GALNT13: variants seen among roughly 807,000 people sequenced by gnomAD.
The protein encoded by GALNT13 is UDP-GalNAc:polypeptide N-acetylgalactosaminyltransferase 13.
A neutral mutation model predicts 64.2 loss-of-function variants in GALNT13; 28 were observed. The observed-to-expected ratio is 0.44, with a 90% CI of 0.32 to 0.60. GALNT13 has a LOEUF of 0.60. Among genes scored for constraint, GALNT13 ranks in the 20% least tolerant of loss-of-function variants. The pLI is 0.05. For missense variants in GALNT13, 577 were observed against 669.8 expected (o/e 0.86, Z 1.53); for synonymous variants, 214 against 224.6 (o/e 0.95, Z 0.42).
At chr2:153,418,507 A>C in the GALNT13 span, among the ~76,000 whole-genome samples, 1 of 152,214 alleles carries the variant, frequency 6.6e-6, no homozygotes, top group Non-Finnish European at 1.5e-5. Context: ...GGGCCAAATG[A>C]GGAAGTGTTT....
At chr2:153,631,206 G>A in the GALNT13 span, among the ~76,000 whole-genome samples, 5,625 of 152,068 alleles carry the variant, frequency 0.037, 131 homozygotes, top group Middle Eastern at 0.065. Flanking sequence ...AATTCAGTCT[G>A]TCGTTGTTGG....
intron 3 of GALNT13, among the ~76,000 whole-genome samples, chr2:153,979,978 G>T (rs1289954908): frequency 1.3e-5 from 2 of 152,206 alleles, no homozygotes; most frequent in Non-Finnish European, 2.9e-5. Context: ...GCTGTGATAT[G>T]AGAGTAATCC....
At chr2:153,772,799 G>A in the GALNT13 span, among the ~76,000 whole-genome samples, 319 of 152,262 alleles carry the variant, frequency 2.1e-3, 2 homozygotes, top group African/African-American at 6.8e-3. Context: ...GCAGAGATAG[G>A]CCTTGCCTAT....
At chr2:154,300,077 G>GT (rs994145496) in intron 8 of GALNT13, among the ~76,000 whole-genome samples, 24 of 132,376 alleles carry the variant, frequency 1.8e-4, no homozygotes, top group East Asian at 1.6e-3. Context: ...TGAAAAGATA[G>GT]TTTTTTTTTC....
At chr2:153,901,716 A>G (rs774140911) in intron 2 of GALNT13, among the ~76,000 whole-genome samples, 30 of 152,188 alleles carry the variant, frequency 2.0e-4, no homozygotes, top group Admixed American at 5.2e-4. Context: ...ATTTAAAAAA[A>G]TAAGAATTGC....
chr2:154,433,845 G>A (rs1246789412), intron 11 of GALNT13, among the ~76,000 whole-genome samples: 1 of 152,120 alleles, frequency 6.6e-6, no homozygotes, highest in Non-Finnish European at 1.5e-5. Context: ...GGTTAGTGGT[G>A]TTGTGGCCTG....
the GALNT13 span, among the ~76,000 whole-genome samples, chr2:153,451,232 A>G: frequency 6.6e-6 from 1 of 152,188 alleles, no homozygotes; most frequent in East Asian, 1.9e-4. Context: ...GTGTTCCTTT[A>G]TACATTTTAA....
At chr2:153,234,196 C>A in the GALNT13 span, among the ~76,000 whole-genome samples, 1 of 152,114 alleles carries the variant, frequency 6.6e-6, no homozygotes, top group Non-Finnish European at 1.5e-5. Context: ...GGTTGCATTC[C>A]ATGCATTTGG....
At chr2:154,253,639 A>C (rs1044178791) in intron 7 of GALNT13, among the ~76,000 whole-genome samples, 1 of 152,184 alleles carries the variant, frequency 6.6e-6, no homozygotes, top group Non-Finnish European at 1.5e-5. Flanking sequence ...CAAATAAATA[A>C]ATAAAATACT....
At chr2:153,682,759 AG>A in the GALNT13 span, among the ~76,000 whole-genome samples, 1 of 151,896 alleles carries the variant, frequency 6.6e-6, no homozygotes, top group Admixed American at 6.6e-5. Flanking sequence ...TTGGACAAAA[AG>A]TTAAATCCTC....
At chr2:154,142,838 G>GTA (rs149527496) in intron 4 of GALNT13, among the ~76,000 whole-genome samples, 278 of 144,178 alleles carry the variant, frequency 1.9e-3, no homozygotes, top group African/African-American at 4.1e-3. Flanking sequence ...GTGTGTGTGT[G>GTA]TATATATATA....
At chr2:154,254,703 A>C (rs746945973) in intron 7 of GALNT13, among the ~76,000 whole-genome samples, 1 of 152,212 alleles carries the variant, frequency 6.6e-6, no homozygotes, top group Non-Finnish European at 1.5e-5. Context: ...TAAGTAGCAA[A>C]TTTTCAGGTC....
At chr2:154,042,882 C>T (rs1699061883) in intron 3 of GALNT13, among the ~76,000 whole-genome samples, 1 of 151,838 alleles carries the variant, frequency 6.6e-6, no homozygotes, top group Admixed American at 6.6e-5. Context: ...CTTTGTTAAT[C>T]TTAGTCTGGC....
chr2:153,809,016 C>T, the GALNT13 span, among the ~76,000 whole-genome samples: 1 of 152,202 alleles, frequency 6.6e-6, no homozygotes, highest in Non-Finnish European at 1.5e-5. Flanking sequence ...TTTGTGGGCA[C>T]TCAGTAATGC....
At chr2:153,840,482 T>C in the GALNT13 span, among the ~76,000 whole-genome samples, 1 of 151,994 alleles carries the variant, frequency 6.6e-6, no homozygotes, top group Non-Finnish European at 1.5e-5. Flanking sequence ...AAGGAGAAAA[T>C]GTTGACTAAT....
chr2:153,186,638 G>A, the GALNT13 span, among the ~76,000 whole-genome samples: 5 of 151,542 alleles, frequency 3.3e-5, no homozygotes, highest in African/African-American at 7.3e-5. Context: ...GCATGATCTC[G>A]GCTCACTGCA....
chr2:153,578,896 A>T, the GALNT13 span, among the ~76,000 whole-genome samples: 2 of 152,216 alleles, frequency 1.3e-5, no homozygotes, highest in Non-Finnish European at 1.5e-5. Context: ...ACAGAGGACC[A>T]TAAAAAAACC....
At chr2:153,881,534 A>G (rs1686787172) in intron 1 of GALNT13, among the ~76,000 whole-genome samples, 1 of 152,208 alleles carries the variant, frequency 6.6e-6, no homozygotes, top group African/African-American at 2.4e-5. Flanking sequence ...ATTGCTAGTT[A>G]TGAGACACTT....
chr2:153,527,636 C>T, the GALNT13 span, among the ~76,000 whole-genome samples: 404 of 152,162 alleles, frequency 2.7e-3, 2 homozygotes, highest in African/African-American at 9.2e-3. Context: ...AATATTATAA[C>T]CCTGTAACTG....
Sources: allele counts gnomAD v4.1 joint callset (sites outside exome capture counted in the v4.1 genomes callset), GRCh38; gene constraint gnomAD v4.1.1; transcripts MANE v1.5; gene names NCBI Gene and HGNC (gene_info 2026-07-23, HGNC 2026-07-21).